The following PTPN3 variants were observed in gnomAD, a reference collection of about 807,000 sequenced individuals.
PTPN3 encodes the protein tyrosine-protein phosphatase non-receptor type 3.
In PTPN3, 96 loss-of-function variants were observed where a neutral mutation model predicts 132.7. The observed-to-expected ratio is 0.72, with a 90% CI of 0.61 to 0.86. PTPN3 has a LOEUF of 0.86. Ranked by LOEUF, PTPN3 falls within the 40% of genes least tolerant of loss-of-function variation. The pLI, the probability that PTPN3 is intolerant of heterozygous loss-of-function variation, is 0.00. For missense variants in PTPN3, 1,125 were observed against 1,159.6 expected (o/e 0.97, Z 0.43); for synonymous variants, 398 against 429.0 (o/e 0.93, Z 0.89).
chr9:109,417,315 G>A (rs971518516), intron 14 of PTPN3, among the ~76,000 whole-genome samples: 5 of 152,154 alleles, frequency 3.3e-5, no homozygotes, highest in Admixed American at 2.0e-4. Context: ...AAATCTAACC[G>A]CTCTTTTTCT....
At chr9:109,416,967 A>G (rs1224888505) in intron 14 of PTPN3, among the ~76,000 whole-genome samples, 1 of 152,130 alleles carries the variant, frequency 6.6e-6, no homozygotes, top group African/African-American at 2.4e-5. Context: ...TGTTTCCCCC[A>G]GTTTCTGTTC....
chr9:109,441,456 C>A (rs1317279529), intron 7 of PTPN3, among the ~76,000 whole-genome samples: 2 of 152,070 alleles, frequency 1.3e-5, no homozygotes, highest in African/African-American at 4.8e-5. Context: ...CAGATGCTCT[C>A]CCCTCTCCCT....
chr9:109,517,389 A>G, the PTPN3 span, among the ~76,000 whole-genome samples: 3 of 152,200 alleles, frequency 2.0e-5, no homozygotes, highest in Non-Finnish European at 4.4e-5. Context: ...AGGTGATGCT[A>G]TAAGTTCAAA....
At chr9:109,441,288 T>C (rs1844444317) in intron 7 of PTPN3, among the ~76,000 whole-genome samples, 1 of 152,184 alleles carries the variant, frequency 6.6e-6, no homozygotes, top group Non-Finnish European at 1.5e-5. Context: ...TGATAATATT[T>C]TATGTTTTGC....
intron 2 of PTPN3, among the ~76,000 whole-genome samples, chr9:109,459,310 C>G (rs1845714886): frequency 6.6e-6 from 1 of 152,250 alleles, no homozygotes; most frequent in Admixed American, 6.5e-5. Context: ...CTGACATCTG[C>G]TCCTGGTCAC....
chr9:109,488,764 T>A (rs781557330), intron 1 of PTPN3, among the ~76,000 whole-genome samples: 2 of 152,200 alleles, frequency 1.3e-5, no homozygotes, highest in African/African-American at 4.8e-5. Flanking sequence ...GGTCACTTGA[T>A]ATTACAAATC....
At chr9:109,444,801 C>T (rs1222313178) in intron 7 of PTPN3, among the ~76,000 whole-genome samples, 2 of 152,158 alleles carry the variant, frequency 1.3e-5, no homozygotes, top group Non-Finnish European at 2.9e-5. Context: ...TTTAGAGTAG[C>T]ACCAACCAAG....
chr9:109,490,027 C>T (rs895523372), intron 1 of PTPN3, among the ~76,000 whole-genome samples: 1 of 151,688 alleles, frequency 6.6e-6, no homozygotes, highest in Non-Finnish European at 1.5e-5. Flanking sequence ...ATTAAAAATA[C>T]AAAAAATTAG....
the PTPN3 span, among the ~76,000 whole-genome samples, chr9:109,527,444 G>C: frequency 6.6e-6 from 1 of 152,112 alleles, no homozygotes; most frequent in African/African-American, 2.4e-5. Flanking sequence ...TTGGATAACG[G>C]AGCGAGACAC....
chr9:109,405,594 T>C (rs1487817806), intron 18 of PTPN3, among the ~76,000 whole-genome samples: 5 of 152,162 alleles, frequency 3.3e-5, no homozygotes, highest in South Asian at 2.1e-4. Flanking sequence ...GTGCCATTGA[T>C]TGATTGAATG....
At chr9:109,422,446 G>A (rs1842944410) in intron 13 of PTPN3, among the ~76,000 whole-genome samples, 1 of 152,192 alleles carries the variant, frequency 6.6e-6, no homozygotes, top group Admixed American at 6.5e-5. Context: ...AATGTGTGCT[G>A]TGATTCCAAA....
intron 1 of PTPN3, among the ~76,000 whole-genome samples, chr9:109,466,656 G>A (rs1386397043): frequency 6.6e-6 from 1 of 152,188 alleles, no homozygotes; most frequent in African/African-American, 2.4e-5. Flanking sequence ...TTGTCTCCCA[G>A]GTGATGACCA....
chr9:109,465,333 T>C lies in PTPN3; in HGVS notation c.-17-1882A>G, dbSNP rs183319431. Reference sequence around the variant, plus strand: ...GGTTCACGCCTGTAATCCCAGCACTTTGGGAGGCCGAAGCGGGCGGGTCAC... The same window carrying C: ...GGTTCACGCCTGTAATCCCAGCACTCTGGGAGGCCGAAGCGGGCGGGTCAC... On this transcript the variant is annotated intron_variant, in intron 1 of 25. Transcript: ENST00000374541. Among the ~76,000 whole-genome samples, 44 of 152,114 alleles carry C rather than the reference T, an allele frequency of 2.9e-4. No homozygotes were observed. The South Asian group carries it at 5.4e-3, about 19-fold the overall frequency.
Position 109,457,151 on chromosome 9 carries a change from G to A in PTPN3, c.289+22C>T, listed in dbSNP as rs765361439. 3 of 1,610,392 alleles carry A rather than the reference G, an allele frequency of 1.9e-6. No individual in the cohort carries two copies. In the East Asian group the frequency reaches 6.7e-5, roughly 36 times the overall value. On this transcript the variant is annotated intron_variant, in intron 4 of 25. Transcript: ENST00000374541. ...ATACACTAACACCTAATGTTCGACT[G>A]AAATGAAAAGATCACACCAACCTTT...
At chr9:109,472,440 G>C (rs1321875046) in intron 1 of PTPN3, among the ~76,000 whole-genome samples, 1 of 152,136 alleles carries the variant, frequency 6.6e-6, no homozygotes, top group East Asian at 1.9e-4. Flanking sequence ...AATATTTTCT[G>C]TTTTCACCAT....
chr9:109,406,708 G>A (rs930420393), intron 17 of PTPN3, 90 bp from the exon 18 acceptor site: 85 of 1,523,732 alleles, frequency 5.6e-5, no homozygotes, highest in Non-Finnish European at 7.3e-5. Flanking sequence ...CAGACACCTG[G>A]GACCATGATC....
intron 22 of PTPN3, among the ~76,000 whole-genome samples, chr9:109,388,099 G>C (rs1839753244): frequency 6.6e-6 from 1 of 152,110 alleles, no homozygotes; most frequent in African/African-American, 2.4e-5. Context: ...CTAAATGCAT[G>C]GTATAGGAGA....
intron 14 of PTPN3, among the ~76,000 whole-genome samples, chr9:109,410,670 G>A (rs1032630873): frequency 3.3e-5 from 5 of 152,170 alleles, no homozygotes; most frequent in African/African-American, 1.2e-4. Flanking sequence ...TGAAAACTTT[G>A]CTCCCTTCCC....
At chr9:109,451,622 A>G (rs1194119908) in intron 5 of PTPN3, among the ~76,000 whole-genome samples, 4 of 152,144 alleles carry the variant, frequency 2.6e-5, no homozygotes, top group African/African-American at 7.2e-5. Context: ...AATGCCCTAC[A>G]TTTCCACAGA....
Sources: gnomAD v4.1 joint callset for allele counts (sites outside exome capture counted in the v4.1 genomes callset) on GRCh38, gnomAD v4.1.1 for gene constraint, MANE v1.5 for transcripts, NCBI Gene and HGNC (gene_info 2026-07-23, HGNC 2026-07-21) for gene names.